Variants in PRDM6 observed in about 807,000 individuals in gnomAD.
PRDM6 encodes the protein putative histone-lysine N-methyltransferase PRDM6.
Under a neutral mutation model 60.8 loss-of-function variants are expected in PRDM6, and 25 were observed. That is an observed-to-expected ratio of 0.41 (90% CI 0.30 to 0.57). The LOEUF (loss-of-function observed/expected upper bound fraction) is 0.57. PRDM6 is among the 20% of genes least tolerant of loss of function. The pLI is 0.27. For synonymous variants in PRDM6, 407 were observed against 357.4 expected (o/e 1.14, Z -1.57); for missense variants, 839 against 821.3 (o/e 1.02, Z -0.26).
intron 2 of PRDM6, among the ~76,000 whole-genome samples, chr5:123,094,874 G>A (rs139641410): frequency 6.6e-6 from 1 of 152,116 alleles, no homozygotes; most frequent in Non-Finnish European, 1.5e-5. Context: ...TACAGTCATC[G>A]GAAGACAAAT....
chr5:123,177,288 C>G (rs1355909678), intron 6 of PRDM6, among the ~76,000 whole-genome samples: 1 of 152,152 alleles, frequency 6.6e-6, no homozygotes, highest in Non-Finnish European at 1.5e-5. Flanking sequence ...GGAATCTTGT[C>G]TACTTACAGT....
At chr5:123,165,232 A>G (rs1036404495) in intron 5 of PRDM6, among the ~76,000 whole-genome samples, 5 of 152,074 alleles carry the variant, frequency 3.3e-5, no homozygotes, top group African/African-American at 9.7e-5. Context: ...TGCAACTCCA[A>G]CTAAACCTGC....
Position 123,187,147 on chromosome 5 carries a change from G to A in PRDM6, c.1734G>A (p.Met578Ile). The A allele has an allele frequency of 6.4e-7, 1 of 1,551,568 alleles. No homozygotes were observed. The highest frequency in any genetic ancestry group is 8.7e-7 in the Non-Finnish European group (1 of 1,146,900). The change falls in exon 8 of 8, where the codon ATG becomes ATA. Residue 578 changes from methionine to isoleucine, a missense_variant. Physicochemically the swap from Met to Ile is conservative, Grantham distance 10. Around this residue, in one of 2 missense-constraint regions of PRDM6, gnomAD observed 109 missense variants for 172.6 expected, o/e 0.63. Coordinates refer to ENST00000407847, the MANE Select transcript of PRDM6 (RefSeq NM_001136239.4). ...CCCAGCTGAGCCGACACCAGCGGATGCCCAATGAGTGCAAGCCAATAACTG... is the reference window on the plus strand; with the variant it reads ...CCCAGCTGAGCCGACACCAGCGGATACCCAATGAGTGCAAGCCAATAACTG... ...QATQLSRHQR[M>I]PNECKPITES...
intron 3 of PRDM6, among the ~76,000 whole-genome samples, chr5:123,142,065 A>G (rs1580512815): frequency 6.6e-6 from 1 of 152,180 alleles, no homozygotes; most frequent in Admixed American, 6.5e-5. Context: ...ACGGCTCGGA[A>G]GGCATAAATT....
intron 2 of PRDM6, among the ~76,000 whole-genome samples, chr5:123,090,901 C>T (rs1017338141): frequency 6.6e-6 from 1 of 152,190 alleles, no homozygotes; most frequent in African/African-American, 2.4e-5. Flanking sequence ...CTACCGTGGA[C>T]CCGGCCTAAC....
chr5:123,178,945 T>A (rs1766077640), intron 6 of PRDM6, among the ~76,000 whole-genome samples: 1 of 152,262 alleles, frequency 6.6e-6, no homozygotes. Context: ...GGTTTCTGAG[T>A]GCAGCCAGAA....
intron 3 of PRDM6, among the ~76,000 whole-genome samples, chr5:123,108,386 C>T (rs1023518402): frequency 6.6e-6 from 1 of 152,084 alleles, no homozygotes; most frequent in African/African-American, 2.4e-5. Flanking sequence ...TAATGTTTAT[C>T]ACAAAAGAAC....
At chr5:123,110,312 G>A (rs1299786822) in intron 3 of PRDM6, among the ~76,000 whole-genome samples, 1 of 137,236 alleles carries the variant, frequency 7.3e-6, no homozygotes, top group African/African-American at 2.8e-5. Flanking sequence ...TTGCTGGAGT[G>A]CAGTGGCACA....
At chr5:123,143,628 G>A (rs1211737800) in intron 3 of PRDM6, among the ~76,000 whole-genome samples, 1 of 152,106 alleles carries the variant, frequency 6.6e-6, no homozygotes, top group Non-Finnish European at 1.5e-5. Context: ...GAGACAGCAT[G>A]GTGTCCCAGT....
chr5:123,182,123 C>T (rs1310884897), intron 7 of PRDM6, among the ~76,000 whole-genome samples: 1 of 152,206 alleles, frequency 6.6e-6, no homozygotes, highest in Admixed American at 6.5e-5. Flanking sequence ...GCTGCAATAG[C>T]CCAAAGAGGG....
At chr5:123,138,836 G>C (rs563985334) in intron 3 of PRDM6, among the ~76,000 whole-genome samples, 3 of 152,290 alleles carry the variant, frequency 2.0e-5, no homozygotes, top group African/African-American at 4.8e-5. Flanking sequence ...CCTTAGCCTT[G>C]TTAAGCACCA....
In PRDM6 at chr5:123,180,257, G is replaced by A. The variant is rs1561885674; in HGVS notation, c.1607G>A (p.Arg536His). 1 of 1,551,746 alleles carries A rather than the reference G, an allele frequency of 6.4e-7. No individual in the cohort carries two copies. Among genetic ancestry groups the A allele is most frequent in the Non-Finnish European group, 8.7e-7 (1 of 1,147,010 alleles). Residue 536 changes from arginine to histidine, a missense_variant, in exon 7 of 8, where the codon CGT becomes CAT. Transcript: ENST00000407847. ...DRPFKCGYCG[R>H]AFAGATTLNN... is the part of the protein sequence containing the mutation. ...CCTTTCAAGTGCGGCTACTGTGGTC[G>A]TGCCTTTGCCGGGGCCACCACCCTC...
chr5:123,168,795 C>T (rs1183913186), intron 5 of PRDM6, among the ~76,000 whole-genome samples: 1 of 152,238 alleles, frequency 6.6e-6, no homozygotes, highest in Non-Finnish European at 1.5e-5. Context: ...CAGAGCTAGT[C>T]CTCTGGTTGG....
chr5:123,093,529 T>C (rs1368062359), intron 2 of PRDM6, among the ~76,000 whole-genome samples: 1 of 152,248 alleles, frequency 6.6e-6, no homozygotes, highest in African/African-American at 2.4e-5. Flanking sequence ...CAGTTTACCC[T>C]GTGACTGAAG....
intron 6 of PRDM6, among the ~76,000 whole-genome samples, chr5:123,179,139 C>T (rs1156836653): frequency 6.6e-6 from 1 of 152,208 alleles, no homozygotes; most frequent in Non-Finnish European, 1.5e-5. Context: ...CTTAAGTAAG[C>T]AGAAGAACTT....
At chr5:123,152,737 C>T (rs1253763078) in intron 3 of PRDM6, among the ~76,000 whole-genome samples, 3 of 152,166 alleles carry the variant, frequency 2.0e-5, no homozygotes, top group Admixed American at 6.5e-5. Flanking sequence ...TAATTTACTC[C>T]TGCTGCTCTC....
In PRDM6 at chr5:123,174,415, G is replaced by A. The variant is rs547388104; in HGVS notation, c.1496+3307G>A. 1.2e-3 allele frequency among the ~76,000 whole-genome samples: 175 copies of A among 152,162 alleles called. 3 individuals carry two copies. The highest frequency in any genetic ancestry group is 1.0e-3 in the Non-Finnish European group (68 of 68,024). On this transcript the variant is annotated intron_variant, in intron 6 of 7. Transcript: ENST00000407847. ...AACTCAAAAGCTTTTATTTTGATAG[G>A]AAAATCTTGCTAGAACCAGGTACAA...
chr5:123,142,005 T>C (rs547879209), intron 3 of PRDM6, among the ~76,000 whole-genome samples: 1 of 152,290 alleles, frequency 6.6e-6, no homozygotes, highest in South Asian at 2.1e-4. Context: ...CACTTTTAAT[T>C]ATGTGGACTT....
intron 5 of PRDM6, among the ~76,000 whole-genome samples, chr5:123,163,599 C>T (rs1241698787): frequency 1.3e-5 from 2 of 152,172 alleles, no homozygotes; most frequent in Non-Finnish European, 2.9e-5. Flanking sequence ...AAGAGAGTGC[C>T]TTTCCATCCA....
Sources: gnomAD v4.1 joint callset for allele counts (sites outside exome capture counted in the v4.1 genomes callset) on GRCh38, gnomAD v4.1.1 for gene constraint, gnomAD v4.1.1 regional missense constraint, MANE v1.5 for transcripts, NCBI Gene and HGNC (gene_info 2026-07-23, HGNC 2026-07-21) for gene names.